MACROD2: variants seen among roughly 807,000 people sequenced by gnomAD.
MACROD2 encodes the protein ADP-ribose glycohydrolase MACROD2.
A neutral mutation model predicts 70.4 loss-of-function variants in MACROD2; 36 were observed. The observed-to-expected ratio is 0.51, with a 90% CI of 0.39 to 0.68. The LOEUF (loss-of-function observed/expected upper bound fraction) is 0.68, where lower values mean the gene tolerates loss of function less well. MACROD2 is among the 30% of genes least tolerant of loss of function. The pLI is 0.00. For synonymous variants in MACROD2, 172 were observed against 178.8 expected, an observed-to-expected ratio of 0.96 and a Z score of 0.30; for missense variants, 496 against 538.4, an observed-to-expected ratio of 0.92 and a Z score of 0.78.
intron 3 of MACROD2, among the ~76,000 whole-genome samples, chr20:14,203,911 T>C (rs1166092524): frequency 6.6e-6 from 1 of 151,928 alleles, no homozygotes; most frequent in Non-Finnish European, 1.5e-5. Context: ...GGCGGGCAGG[T>C]CCTTTTGCCC....
chr20:14,130,587 T>A (rs146344356), intron 3 of MACROD2, among the ~76,000 whole-genome samples: 6 of 152,158 alleles, frequency 3.9e-5, no homozygotes, highest in African/African-American at 1.2e-4. Context: ...ACCGTTAGCA[T>A]AGGAAAATTC....
chr20:14,863,507 C>G (rs1055268602), intron 5 of MACROD2, among the ~76,000 whole-genome samples: 6 of 151,966 alleles, frequency 3.9e-5, no homozygotes, highest in Admixed American at 3.9e-4. Flanking sequence ...TACAGTTTGA[C>G]CAACTGTAAC....
intron 3 of MACROD2, among the ~76,000 whole-genome samples, chr20:14,384,188 T>C (rs1416748810): frequency 1.3e-5 from 2 of 152,260 alleles, no homozygotes; most frequent in East Asian, 1.9e-4. Context: ...TTGATACTTG[T>C]AGGATTCAAA....
At chr20:14,959,670 C>A (rs1244201621) in intron 5 of MACROD2, among the ~76,000 whole-genome samples, 1 of 152,140 alleles carries the variant, frequency 6.6e-6, no homozygotes, top group Non-Finnish European at 1.5e-5. Flanking sequence ...AACAATGCCC[C>A]CTGGAGTTGT....
chr20:15,125,251 C>A (rs1466947460), intron 5 of MACROD2, among the ~76,000 whole-genome samples: 1 of 152,002 alleles, frequency 6.6e-6, no homozygotes, highest in Non-Finnish European at 1.5e-5. Context: ...GGGGCAAGTA[C>A]CAATGACTGT....
rs187859425 is a variant in MACROD2, at chr20:15,180,784, C to G, written c.419-49156C>G. On this transcript the variant is annotated intron_variant, in intron 5 of 17. Transcript: ENST00000684519. ...GGGATTACAGGCGTGAGCCACTGCACATGGCCAGCATACAGTTTTAATTCA... is the reference window on the plus strand; with the variant it reads ...GGGATTACAGGCGTGAGCCACTGCAGATGGCCAGCATACAGTTTTAATTCA... Among the ~76,000 whole-genome samples, 67 of 152,346 alleles carry G rather than the reference C, an allele frequency of 4.4e-4. 1 individual carries two copies. The Middle Eastern group carries it at 0.01, about 23-fold the overall frequency.
At chr20:15,836,986 G>C (rs2064121305) in intron 8 of MACROD2, among the ~76,000 whole-genome samples, 1 of 152,150 alleles carries the variant, frequency 6.6e-6, no homozygotes, top group Non-Finnish European at 1.5e-5. Flanking sequence ...GAGCATTAAA[G>C]GGACTTAGCT....
intron 2 of MACROD2, among the ~76,000 whole-genome samples, chr20:14,070,186 G>GC (rs1343494587): frequency 2.0e-5 from 3 of 152,190 alleles, no homozygotes; most frequent in African/African-American, 7.2e-5. Context: ...GCCCAAAAAT[G>GC]ACGTTGTAAA....
At chr20:14,760,872 G>A (rs549663495) in intron 5 of MACROD2, among the ~76,000 whole-genome samples, 22 of 152,130 alleles carry the variant, frequency 1.4e-4, no homozygotes, top group South Asian at 1.2e-3. Flanking sequence ...GCCCTGATTC[G>A]TCAACGTTAC....
intron 8 of MACROD2, among the ~76,000 whole-genome samples, chr20:15,630,925 G>C (rs1333279543): frequency 6.6e-6 from 1 of 152,188 alleles, no homozygotes; most frequent in East Asian, 1.9e-4. Context: ...AGAACTTTAA[G>C]TTTACCCCAG....
At position 14,903,187 on chromosome 20, in the gene MACROD2, G is replaced by A. The variant is rs141914492; in HGVS notation, c.418+218228G>A. 2.2e-3 allele frequency among the ~76,000 whole-genome samples: 337 copies of A among 151,892 alleles called. 1 individual carries two copies. The highest frequency in any genetic ancestry group is 7.8e-3 in the African/African-American group (322 of 41,420). ...CTCCCGAGTAGCTGGGATTACAGGT[G>A]CCTGCCACCATGCCCAGCTAAATTT... is the stretch of plus-strand genomic sequence containing the variant. On this transcript the variant is annotated intron_variant, in intron 5 of 17. Coordinates refer to ENST00000684519, the MANE Select transcript of MACROD2 (RefSeq NM_001351661.2).
chr20:15,127,063 G>A (rs1386387951), intron 5 of MACROD2, among the ~76,000 whole-genome samples: 3 of 152,014 alleles, frequency 2.0e-5, no homozygotes, highest in Admixed American at 1.3e-4. Flanking sequence ...CACTTCCACT[G>A]CCACACTCTT....
At position 14,400,928 on chromosome 20, in the gene MACROD2, G is replaced by A. The variant is rs141343422; in HGVS notation, c.272-92551G>A. ...AGTACTTATGATGTTAATGGTAAAT[G>A]TTCTTTGGTGTGGTAATGCCATATG... On this transcript the variant is annotated intron_variant, in intron 3 of 17. Transcript: ENST00000684519. Among the ~76,000 whole-genome samples the A allele has an allele frequency of 3.4e-4, 52 of 152,202 alleles. 1 individual carries two copies. In the East Asian group the frequency reaches 9.5e-3, roughly 28 times the overall value.
intron 10 of MACROD2, among the ~76,000 whole-genome samples, chr20:15,902,414 G>C (rs953305320): frequency 1.3e-5 from 2 of 152,014 alleles, no homozygotes; most frequent in East Asian, 3.9e-4. Flanking sequence ...GGGATTGGCA[G>C]ATAAAAAATG....
intron 8 of MACROD2, among the ~76,000 whole-genome samples, chr20:15,593,906 G>C (rs1171681312): frequency 6.6e-6 from 1 of 152,168 alleles, no homozygotes; most frequent in Admixed American, 6.5e-5. Context: ...GCTGTGTATG[G>C]CTGGCCCTCC....
chr20:14,854,754 C>T (rs533053710), intron 5 of MACROD2, among the ~76,000 whole-genome samples: 5 of 152,270 alleles, frequency 3.3e-5, no homozygotes, highest in South Asian at 4.1e-4. Context: ...CGATGGCTCA[C>T]GCCTATAATC....
At chr20:14,910,174 AG>A (rs1366496167) in intron 5 of MACROD2, among the ~76,000 whole-genome samples, 3 of 152,190 alleles carry the variant, frequency 2.0e-5, no homozygotes, top group African/African-American at 7.2e-5. Context: ...GTTCATTTTA[AG>A]TTTGGTGTGC....
In MACROD2 at chr20:15,784,828, A is replaced by T. The variant is rs115099737; in HGVS notation, c.646-77917A>T. Among the ~76,000 whole-genome samples, 912 of 152,224 alleles carry T rather than the reference A, an allele frequency of 6.0e-3. 5 individuals carry two copies. The highest frequency in any genetic ancestry group is 0.02 in the African/African-American group (826 of 41,554). ...AAATTTACATAATAAAATGTTGGAA[A>T]ATGATTACTTATTATTTTCTATTAA... On this transcript the variant is annotated intron_variant, in intron 8 of 17. Coordinates refer to ENST00000684519, the MANE Select transcript of MACROD2 (RefSeq NM_001351661.2).
At chr20:15,546,232 C>A (rs2048024589) in intron 8 of MACROD2, among the ~76,000 whole-genome samples, 1 of 151,822 alleles carries the variant, frequency 6.6e-6, no homozygotes, top group Admixed American at 6.6e-5. Flanking sequence ...GCAACAAGAG[C>A]AAAACTCCAT....
Sources: gnomAD v4.1 joint callset for allele counts (sites outside exome capture counted in the v4.1 genomes callset) on GRCh38, gnomAD v4.1.1 for gene constraint, MANE v1.5 for transcripts, NCBI Gene and HGNC (gene_info 2026-07-23, HGNC 2026-07-21) for gene names.